The following SPG7 variants were observed in gnomAD, a reference collection of about 807,000 sequenced individuals.
The protein encoded by SPG7 is mitochondrial inner membrane m-AAA protease component paraplegin.
SPG7 carries 103 observed loss-of-function variants against 81.9 expected under a neutral mutation model. The ratio of observed to expected loss-of-function variants is 1.26; its 90% CI spans 1.07 to 1.48. SPG7 has a LOEUF of 1.48. SPG7 is among the 40% of genes most tolerant of loss of function. The probability of loss-of-function intolerance (pLI) is 0.00; values close to 1 mark genes in which losing one functional copy is unlikely to be tolerated. For missense variants in SPG7, 1,241 were observed against 1,087.3 expected (o/e 1.14, Z -1.99); for synonymous variants, 534 against 444.2 (o/e 1.20, Z -2.54).
At chr16:89,527,084 C>T (rs1045853683) in intron 5 of SPG7, 2 of 182,098 alleles carry the variant, frequency 1.1e-5, no homozygotes, top group African/African-American at 4.8e-5. Context: ...GATAATAATA[C>T]CCAATACCCT....
rs762049799 is a variant in SPG7 at position 89,524,195 on chromosome 16, G to A, written c.566G>A (p.Ser189Asn). Residue 189 changes from serine (S) to asparagine (N), a missense_variant, in exon 4 of 17, where the codon AGC becomes AAC. By Grantham distance (46) the Ser-to-Asn change is conservative. Transcript: ENST00000645818. ...CAGCGCGTCCAGGTGGTGCCTGAGA[G>A]CGACGTGGTGGAAGTCTACCTGCAC... is the stretch of plus-strand genomic sequence containing the variant. The part of the protein sequence containing the change: ...EVQRVQVVPE[S>N]DVVEVYLHPG... 91 of 1,613,762 alleles carry A rather than the reference G, an allele frequency of 5.6e-5. No individual in the cohort carries two copies. The highest frequency in any genetic ancestry group is 1.8e-5 in the Non-Finnish European group (21 of 1,180,010).
At chr16:89,547,583 C>G (rs901823872) in intron 11 of SPG7, 24 of 267,784 alleles carry the variant, frequency 9.0e-5, no homozygotes, top group African/African-American at 5.4e-4. Flanking sequence ...GGTTCTTGGT[C>G]TCTTTTCCCT....
At chr16:89,532,698 C>T (rs1291146445) in intron 9 of SPG7, 62 bp downstream of exon 9, 2 of 1,598,304 alleles carry the variant, frequency 1.3e-6, no homozygotes, top group Middle Eastern at 2.1e-4. Flanking sequence ...CGATGTCTTT[C>T]AGAACAGGTT....
chr16:89,548,282 C>G lies in SPG7; in HGVS notation c.1663+169C>G, dbSNP rs1249547317. ...GTCTTTATGATACCTTGTACTTTTC[C>G]TTAGTTTAAAATATCACAGATTTAC... On this transcript the variant is annotated intron_variant, in intron 12 of 16. Coordinates refer to ENST00000645818, the MANE Select transcript of SPG7 (RefSeq NM_003119.4). 8.3e-6 allele frequency: 5 copies of G among 599,608 alleles called. No homozygotes were observed. The East Asian group carries it at 1.4e-4, about 17-fold the overall frequency. The allele number at this position is 599,608 out of a possible 1,614,324, so 37.1% of individuals were successfully genotyped here.
intron 16 of SPG7, 162 bp downstream of exon 16, chr16:89,554,725 A>T (rs1248402337): frequency 3.1e-6 from 2 of 643,564 alleles, no homozygotes; most frequent in East Asian, 5.6e-5. Flanking sequence ...TACGTGTTCC[A>T]TACTTTTTAT....
intron 1 of SPG7, among the ~76,000 whole-genome samples, chr16:89,509,845 G>C (rs2057989089): frequency 7.0e-6 from 1 of 143,124 alleles, no homozygotes; most frequent in South Asian, 2.2e-4. Context: ...CTGGAGTGCA[G>C]TGGCCTGATC....
chr16:89,544,634 C>G lies in SPG7; in HGVS notation c.1325-14C>G. On this transcript the variant is annotated splice_polypyrimidine_tract_variant and intron_variant, in intron 9 of 16. Transcript: ENST00000645818. ...CCCCTACCCTCAGAGCCACTGTCTG[C>G]TCTGTCCCCTCAGGAATGGGTACCA... The G allele has an allele frequency of 1.2e-6, 2 of 1,613,952 alleles. No individual in the cohort carries two copies. The highest frequency in any genetic ancestry group is 1.7e-6 in the Non-Finnish European group (2 of 1,179,878).
At chr16:89,512,804 C>T in intron 2 of SPG7, 144 bp from the exon 3 acceptor site, 1 of 775,642 alleles carries the variant, frequency 1.3e-6, no homozygotes, top group Non-Finnish European at 2.2e-6. Flanking sequence ...TGCTTTATTT[C>T]ATATTTATAA....
chr16:89,515,790 C>G (rs1379518146), intron 3 of SPG7, among the ~76,000 whole-genome samples: 1 of 151,728 alleles, frequency 6.6e-6, no homozygotes, highest in East Asian at 1.9e-4. Context: ...TCACTGCAAC[C>G]TCTGCTTCCT....
At chr16:89,556,582 C>G (rs1165030466) in intron 16 of SPG7, 83 of 428,214 alleles carry the variant, frequency 1.9e-4, no homozygotes, top group Non-Finnish European at 3.2e-4. Context: ...TTTTACCCAT[C>G]TCCTTCCCTG....
At chr16:89,550,313 C>T (rs867675127) in intron 12 of SPG7, 181 bp from the exon 13 acceptor site, 3 of 583,830 alleles carry the variant, frequency 5.1e-6, no homozygotes, top group Non-Finnish European at 3.2e-6. Context: ...GCTGGGACTG[C>T]AGGCGCCCGC....
rs1326769920 is a variant in SPG7 at position 89,530,771 on chromosome 16, C to T, written c.950C>T (p.Ala317Val). 6.2e-7 allele frequency: 1 copy of T among 1,614,004 alleles called. No individual in the cohort carries two copies. The highest frequency in any genetic ancestry group is 8.5e-7 in the Non-Finnish European group (1 of 1,180,036). Residue 317 changes from alanine (A) to valine (V), a missense_variant, in exon 7 of 17, where the codon GCC (alanine) becomes GTC (valine). Coordinates refer to ENST00000645818, the MANE Select transcript of SPG7 (RefSeq NM_003119.4). The stretch of plus-strand genomic sequence containing the variant: ...AAAGACGTGGCAGGAATGCACGAAG[C>T]CAAACTGGAAGTCCGCGAGTTTGTG... ...SFKDVAGMHE[A>V]KLEVREFVDY...
intron 3 of SPG7, chr16:89,517,583 G>C (rs1193021838): frequency 6.6e-6 from 1 of 151,606 alleles, no homozygotes; most frequent in African/African-American, 2.4e-5. Flanking sequence ...GCTGACATGC[G>C]TGTCTCTCCT....
chr16:89,530,927 C>T (rs374457201), intron 7 of SPG7, 119 bp downstream of exon 7: 9 of 1,380,478 alleles, frequency 6.5e-6, no homozygotes, highest in Non-Finnish European at 9.2e-6. Context: ...TGGCGGTGAC[C>T]TCTACCATGT....
At chr16:89,553,646 G>A (rs1277178975) in intron 14 of SPG7, 148 bp from the exon 15 acceptor site, 4 of 710,870 alleles carry the variant, frequency 5.6e-6, no homozygotes, top group East Asian at 5.3e-5. Flanking sequence ...AGGTGCCAAC[G>A]TCCTCACTGT....
Position 89,526,314 on chromosome 16 carries a change from C to T in SPG7, c.619-15C>T, listed in dbSNP as rs750050640. On this transcript the variant is annotated splice_polypyrimidine_tract_variant and intron_variant, in intron 4 of 16. Transcript: ENST00000645818. ...CCTGCGTTTCTCATGGTCCCCTCTC[C>T]TTTCTGCCCCCCAGCGGCTAGCCTT... The T allele has an allele frequency of 1.2e-6, 2 of 1,613,818 alleles. No homozygotes were observed. Among genetic ancestry groups the T allele is most frequent in the East Asian group, 2.2e-5 (1 of 44,892 alleles).
At chr16:89,547,870 C>T in intron 11 of SPG7, 133 bp from the exon 12 acceptor site, 1 of 758,200 alleles carries the variant, frequency 1.3e-6, no homozygotes, top group Non-Finnish European at 2.4e-6. Flanking sequence ...ACCTCAGCCT[C>T]CCAAAGTGCT....
intron 16 of SPG7, 113 bp from the exon 17 acceptor site, chr16:89,556,774 T>G (rs2058690853): frequency 1.2e-6 from 1 of 863,556 alleles, no homozygotes; most frequent in Non-Finnish European, 2.0e-6. Flanking sequence ...AAGTGGCCTG[T>G]CCTGGGTGTC....
intron 1 of SPG7, chr16:89,509,069 T>C (rs2057975486): frequency 2.4e-6 from 1 of 415,948 alleles, no homozygotes; most frequent in Non-Finnish European, 4.9e-6. Context: ...GCTGTTGTCA[T>C]GTAGCTCGGC....
Sources: allele counts gnomAD v4.1 joint callset (sites outside exome capture counted in the v4.1 genomes callset), GRCh38; gene constraint gnomAD v4.1.1; transcripts MANE v1.5; gene names NCBI Gene and HGNC (gene_info 2026-07-23, HGNC 2026-07-21).